Variants in FBXO36 observed in about 807,000 individuals in gnomAD.
The protein encoded by FBXO36 is F-box protein 36.
In FBXO36, 18 loss-of-function variants were observed where a neutral mutation model predicts 17.0. The ratio of observed to expected loss-of-function variants is 1.06; its 90% CI spans 0.73 to 1.57. The LOEUF is 1.57. FBXO36 is among the 40% of genes most tolerant of loss of function. The probability of loss-of-function intolerance (pLI) is 0.00; values close to 1 mark genes in which losing one functional copy is unlikely to be tolerated. For missense variants in FBXO36, 229 were observed against 221.9 expected (o/e 1.03, Z -0.20); for synonymous variants, 83 against 85.3 (o/e 0.97, Z 0.15).
chr2:229,969,402 AT>A (rs2077169618), intron 1 of FBXO36, among the ~76,000 whole-genome samples: 1 of 151,220 alleles, frequency 6.6e-6, no homozygotes, highest in African/African-American at 2.4e-5. Flanking sequence ...AAAAAAAAAA[AT>A]TCAGGCCAGG....
At chr2:229,991,068 T>A (rs2077295416) in intron 2 of FBXO36, among the ~76,000 whole-genome samples, 1 of 151,754 alleles carries the variant, frequency 6.6e-6, no homozygotes, top group African/African-American at 2.4e-5. Flanking sequence ...CCCTAGCAGC[T>A]GGGATTGCAG....
At chr2:229,941,332 G>T (rs1416357910) in intron 1 of FBXO36, among the ~76,000 whole-genome samples, 1 of 152,104 alleles carries the variant, frequency 6.6e-6, no homozygotes, top group Non-Finnish European at 1.5e-5. Context: ...GCACACGCCT[G>T]TAGTCCCAGG....
chr2:229,950,576 T>C (rs1013688616), intron 1 of FBXO36, among the ~76,000 whole-genome samples: 4 of 152,180 alleles, frequency 2.6e-5, no homozygotes. Flanking sequence ...AATTTTATCA[T>C]AGATCTAATT....
chr2:229,975,657 G>A (rs369646444), intron 1 of FBXO36, among the ~76,000 whole-genome samples: 6 of 151,546 alleles, frequency 4.0e-5, no homozygotes, highest in East Asian at 3.9e-4. Flanking sequence ...AAAATTTTTT[G>A]TAGAGACAGG....
intron 1 of FBXO36, among the ~76,000 whole-genome samples, chr2:229,938,061 G>C (rs553925821): frequency 6.6e-6 from 1 of 152,076 alleles, no homozygotes; most frequent in Non-Finnish European, 1.5e-5. Flanking sequence ...TCTGCCTCCT[G>C]GGTTCATGTG....
intron 1 of FBXO36, among the ~76,000 whole-genome samples, chr2:229,938,302 C>T (rs368805784): frequency 1.8e-5 from 2 of 114,118 alleles, no homozygotes; most frequent in Non-Finnish European, 3.6e-5. Flanking sequence ...GCTCACCGCA[C>T]CCTCCGCCTC....
At chr2:229,944,631 C>T (rs1303241679) in intron 1 of FBXO36, among the ~76,000 whole-genome samples, 1 of 137,314 alleles carries the variant, frequency 7.3e-6, no homozygotes, top group African/African-American at 2.7e-5. Context: ...CACGCTCTGT[C>T]GCCCAGGCTG....
intron 1 of FBXO36, among the ~76,000 whole-genome samples, chr2:229,935,220 T>G (rs1042950121): frequency 6.6e-6 from 1 of 152,220 alleles, no homozygotes; most frequent in East Asian, 1.9e-4. Context: ...ACCCCCTGGA[T>G]TTGTGCCTAT....
At chr2:229,923,862 T>G (rs1277049377) in intron 1 of FBXO36, among the ~76,000 whole-genome samples, 5 of 142,278 alleles carry the variant, frequency 3.5e-5, no homozygotes, top group Non-Finnish European at 6.1e-5. Context: ...TTTTTTTTTT[T>G]TTTTTTTTTG....
intron 1 of FBXO36, among the ~76,000 whole-genome samples, chr2:229,960,868 G>T (rs1453258444): frequency 6.6e-6 from 1 of 152,116 alleles, no homozygotes; most frequent in African/African-American, 2.4e-5. Context: ...CAGCACTTTG[G>T]GAGGCCAAGG....
chr2:229,972,897 A>T (rs2077188012), intron 1 of FBXO36, among the ~76,000 whole-genome samples: 2 of 151,592 alleles, frequency 1.3e-5, no homozygotes, highest in South Asian at 2.1e-4. Flanking sequence ...CCCTGTCTCT[A>T]CTAAAAATAC....
chr2:229,951,058 C>A (rs935552336), intron 1 of FBXO36, among the ~76,000 whole-genome samples: 1 of 151,904 alleles, frequency 6.6e-6, no homozygotes, highest in African/African-American at 2.4e-5. Context: ...CTCAGCCTCC[C>A]GAGTAGCTGA....
At chr2:229,940,846 C>T (rs1211033416) in intron 1 of FBXO36, among the ~76,000 whole-genome samples, 1 of 152,134 alleles carries the variant, frequency 6.6e-6, no homozygotes, top group Non-Finnish European at 1.5e-5. Context: ...GAAATAAATT[C>T]GTGTTGTTTT....
intron 3 of FBXO36, among the ~76,000 whole-genome samples, chr2:230,008,922 T>C (rs1053955889): frequency 6.6e-6 from 1 of 152,260 alleles, no homozygotes; most frequent in African/African-American, 2.4e-5. Context: ...TCAGTGTTGC[T>C]GTTTAGCAAT....
chr2:229,939,161 C>T (rs1236275382), intron 1 of FBXO36: 31 of 890,110 alleles, frequency 3.5e-5, no homozygotes, highest in Non-Finnish European at 3.9e-5. Context: ...TCAAGCGATT[C>T]TCCTGCTTCA....
intron 1 of FBXO36, among the ~76,000 whole-genome samples, chr2:229,941,619 G>A (rs1378324851): frequency 6.6e-6 from 1 of 151,818 alleles, no homozygotes; most frequent in Non-Finnish European, 1.5e-5. Flanking sequence ...AAAAAATAGA[G>A]AAGGGACATG....
At chr2:229,997,134 G>A (rs191623828) in intron 3 of FBXO36, among the ~76,000 whole-genome samples, 42 of 151,984 alleles carry the variant, frequency 2.8e-4, no homozygotes, top group African/African-American at 2.2e-4. Flanking sequence ...ATAATACAGC[G>A]TGATCAGTTC....
intron 1 of FBXO36, among the ~76,000 whole-genome samples, chr2:229,962,945 G>A (rs917035200): frequency 6.6e-6 from 1 of 152,112 alleles, no homozygotes; most frequent in Non-Finnish European, 1.5e-5. Context: ...CCAAAGTGCT[G>A]GGTTTACAGG....
chr2:229,965,587 A>G (rs1052464321), intron 1 of FBXO36, among the ~76,000 whole-genome samples: 1 of 132,446 alleles, frequency 7.6e-6, no homozygotes, highest in African/African-American at 2.9e-5. Flanking sequence ...AGGTGTTCAC[A>G]TTGTTCAGTT....
Sources: gnomAD v4.1 joint callset for allele counts (sites outside exome capture counted in the v4.1 genomes callset) on GRCh38, gnomAD v4.1.1 for gene constraint, MANE v1.5 for transcripts, NCBI Gene and HGNC (gene_info 2026-07-23, HGNC 2026-07-21) for gene names.